ADGRL3: variants seen among roughly 807,000 people sequenced by gnomAD.
ADGRL3 encodes adhesion G protein-coupled receptor L3.
ADGRL3 carries 62 observed loss-of-function variants against 153.5 expected under a neutral mutation model. That is an observed-to-expected ratio of 0.40 (90% CI 0.33 to 0.50). The LOEUF is 0.50. Among genes scored for constraint, ADGRL3 ranks in the 20% least tolerant of loss-of-function variants. ADGRL3 has a pLI of 0.47. For synonymous variants in ADGRL3, 710 were observed against 672.5 expected (o/e 1.06, Z -0.86); for missense variants, 1,641 against 1,859.4 (o/e 0.88, Z 2.16).
intron 9 of ADGRL3, among the ~76,000 whole-genome samples, chr4:61,838,088 A>G (rs77705016): frequency 0.015 from 2,321 of 152,200 alleles, 55 homozygotes; most frequent in African/African-American, 0.049. Flanking sequence ...TTTTCTCATG[A>G]AACTCTCTTT....
intron 5 of ADGRL3, among the ~76,000 whole-genome samples, chr4:61,637,005 AT>A (rs2093451129): frequency 6.6e-6 from 1 of 152,140 alleles, no homozygotes; most frequent in South Asian, 2.1e-4. Context: ...CTAGTGGACT[AT>A]TTTTTGAAAG....
chr4:62,031,173 C>T (rs1466323268), intron 22 of ADGRL3, among the ~76,000 whole-genome samples: 1 of 151,582 alleles, frequency 6.6e-6, no homozygotes, highest in Non-Finnish European at 1.5e-5. Context: ...TGCATATGTG[C>T]TGCAAATACA....
chr4:61,473,727 A>T (rs148604304), intron 2 of ADGRL3, among the ~76,000 whole-genome samples: 1,766 of 151,838 alleles, frequency 0.012, 39 homozygotes, highest in African/African-American at 0.04. Context: ...CAGCCTTTTA[A>T]AAAAAAATAG....
intron 1 of ADGRL3, among the ~76,000 whole-genome samples, chr4:61,284,049 G>C (rs367641827): frequency 2.0e-4 from 31 of 152,084 alleles, no homozygotes; most frequent in South Asian, 1.5e-3. Flanking sequence ...GGATCCCAAT[G>C]CACTTTGGAT....
chr4:62,069,895 T>C lies in ADGRL3; in HGVS notation c.3833-214T>C, dbSNP rs538036067. Among the ~76,000 whole-genome samples the C allele has an allele frequency of 2.0e-5, 3 of 152,302 alleles. No individual in the cohort carries two copies. In the South Asian group the frequency reaches 6.2e-4, roughly 32 times the overall value. On this transcript the variant is annotated intron_variant, in intron 26 of 26. Transcript: ENST00000683033. ...TTTTAAAGATCTACTTTAAATATGA[T>C]TTTCCCATTTATATGGTTTCAATCA...
chr4:61,265,942 A>T (rs903904928), intron 1 of ADGRL3, among the ~76,000 whole-genome samples: 10 of 151,888 alleles, frequency 6.6e-5, no homozygotes, highest in African/African-American at 2.4e-4. Flanking sequence ...GGGGAAAATG[A>T]TCTACAGTGG....
At chr4:61,420,464 TG>T (rs1164634055) in intron 2 of ADGRL3, 23 of 134,314 alleles carry the variant, frequency 1.7e-4, no homozygotes, top group African/African-American at 6.4e-4. Flanking sequence ...TGAAGTGCAG[TG>T]GCGCCATCTC....
chr4:61,469,711 A>G (rs1238896665), intron 2 of ADGRL3, among the ~76,000 whole-genome samples: 1 of 152,012 alleles, frequency 6.6e-6, no homozygotes. Flanking sequence ...CCCTATTTTC[A>G]AGGTCATTTA....
chr4:61,871,132 G>C lies in ADGRL3; in HGVS notation c.1481-21524G>C, dbSNP rs575183241. ...TCTCTACTAAAAATACAAAAAATTA[G>C]CCAGGTGTGGTGGCGAGTGCCTGCA... On this transcript the variant is annotated intron_variant, in intron 9 of 26. Coordinates refer to ENST00000683033, the MANE Select transcript of ADGRL3 (RefSeq NM_001387552.1). Among the ~76,000 whole-genome samples, 32 of 152,180 alleles carry C rather than the reference G, an allele frequency of 2.1e-4. 1 individual carries two copies. The highest frequency in any genetic ancestry group is 1.6e-3 in the Admixed American group (24 of 15,280).
intron 9 of ADGRL3, among the ~76,000 whole-genome samples, chr4:61,868,631 C>CTTTT: frequency 6.6e-6 from 1 of 152,194 alleles, no homozygotes; most frequent in East Asian, 1.9e-4. Flanking sequence ...ACTTGCCTTT[C>CTTTT]TTTTTTTTCT....
At chr4:61,613,745 G>C (rs1174436346) in intron 5 of ADGRL3, among the ~76,000 whole-genome samples, 1 of 152,146 alleles carries the variant, frequency 6.6e-6, no homozygotes, top group Admixed American at 6.6e-5. Flanking sequence ...TTCCAAGTGA[G>C]TCCTGTTTAC....
intron 4 of ADGRL3, among the ~76,000 whole-genome samples, chr4:61,585,559 C>T (rs558724808): frequency 2.6e-5 from 4 of 152,088 alleles, no homozygotes; most frequent in East Asian, 1.9e-4. Flanking sequence ...TGCATGTGCA[C>T]GTTAGTGAGT....
At chr4:62,069,941 T>C (rs1295966867) in intron 26 of ADGRL3, among the ~76,000 whole-genome samples, 168 bp from the exon 27 acceptor site, 2 of 152,218 alleles carry the variant, frequency 1.3e-5, no homozygotes, top group Admixed American at 6.5e-5. Flanking sequence ...TATACACATA[T>C]ATAGATTTAA....
At chr4:61,580,374 G>T (rs1413950248) in intron 4 of ADGRL3, among the ~76,000 whole-genome samples, 1 of 151,994 alleles carries the variant, frequency 6.6e-6, no homozygotes, top group East Asian at 1.9e-4. Flanking sequence ...TAGCCTAAAT[G>T]CTGTTTAAGC....
At chr4:61,782,509 A>G (rs2097225469) in intron 8 of ADGRL3, among the ~76,000 whole-genome samples, 1 of 152,184 alleles carries the variant, frequency 6.6e-6, no homozygotes, top group South Asian at 2.1e-4. Flanking sequence ...AACATAATAA[A>G]CCTCAGACAA....
chr4:61,567,001 G>A (rs1056108625), intron 4 of ADGRL3, among the ~76,000 whole-genome samples: 11 of 152,092 alleles, frequency 7.2e-5, no homozygotes, highest in African/African-American at 2.4e-4. Flanking sequence ...CATGTTGTAT[G>A]ATAAGGAAGT....
intron 9 of ADGRL3, among the ~76,000 whole-genome samples, chr4:61,874,306 G>C (rs79148437): frequency 6.6e-6 from 1 of 152,056 alleles, no homozygotes; most frequent in Non-Finnish European, 1.5e-5. Flanking sequence ...TCAGCTCCTT[G>C]TCCCATGGCT....
intron 3 of ADGRL3, among the ~76,000 whole-genome samples, chr4:61,508,779 G>A (rs891196918): frequency 1.3e-5 from 2 of 151,984 alleles, no homozygotes; most frequent in Non-Finnish European, 2.9e-5. Flanking sequence ...GTATTAGTCC[G>A]TTTTCATGCT....
chr4:61,238,139 C>T (rs1229305638), intron 1 of ADGRL3, among the ~76,000 whole-genome samples: 1 of 152,170 alleles, frequency 6.6e-6, no homozygotes, highest in Non-Finnish European at 1.5e-5. Flanking sequence ...TAGGGTTGAA[C>T]AGTAATTAGC....
Sources: gnomAD v4.1 joint callset for allele counts (sites outside exome capture counted in the v4.1 genomes callset) on GRCh38, gnomAD v4.1.1 for gene constraint, MANE v1.5 for transcripts, NCBI Gene and HGNC (gene_info 2026-07-23, HGNC 2026-07-21) for gene names.